Variants in MET observed in about 807,000 individuals in gnomAD.
MET encodes the protein hepatocyte growth factor receptor.
In MET, 48 loss-of-function variants were observed where a neutral mutation model predicts 133.1. That is an observed-to-expected ratio of 0.36 (90% CI 0.29 to 0.46). The LOEUF is 0.46. Ranked by LOEUF, MET falls within the 20% of genes least tolerant of loss-of-function variation. The pLI is 1.00. For synonymous variants in MET, 628 were observed against 616.5 expected (o/e 1.02, Z -0.28); for missense variants, 1,442 against 1,695.9 (o/e 0.85, Z 2.63).
At chr7:116,729,317 C>T (rs748279701) in intron 2 of MET, among the ~76,000 whole-genome samples, 2 of 152,006 alleles carry the variant, frequency 1.3e-5, no homozygotes, top group African/African-American at 2.4e-5. Flanking sequence ...TTTCTATTTG[C>T]TAATTTATTG....
At chr7:116,726,487 C>T (rs972159646) in intron 2 of MET, among the ~76,000 whole-genome samples, 1 of 151,840 alleles carries the variant, frequency 6.6e-6, no homozygotes, top group Non-Finnish European at 1.5e-5. Flanking sequence ...CCTTTCCCAG[C>T]CAATAAAGCA....
intron 5 of MET, among the ~76,000 whole-genome samples, chr7:116,755,037 AAAG>A (rs1347654408): frequency 1.3e-5 from 2 of 151,438 alleles, no homozygotes; most frequent in African/African-American, 4.9e-5. Context: ...AGAAAGAAAG[AAAG>A]AAAAGAAAGA....
At chr7:116,680,594 G>A (rs550857497) in intron 1 of MET, among the ~76,000 whole-genome samples, 21 of 152,036 alleles carry the variant, frequency 1.4e-4, no homozygotes, top group Non-Finnish European at 2.5e-4. Flanking sequence ...CATAAAGAGG[G>A]TGTCCCATTA....
chr7:116,745,294 G>A (rs552772997), intron 5 of MET, among the ~76,000 whole-genome samples: 25 of 152,258 alleles, frequency 1.6e-4, no homozygotes, highest in African/African-American at 6.0e-4. Context: ...ACAAACAAAT[G>A]GAAGAATATT....
chr7:116,715,169 T>A (rs749744230), intron 2 of MET, among the ~76,000 whole-genome samples: 12 of 152,222 alleles, frequency 7.9e-5, no homozygotes, highest in Non-Finnish European at 1.5e-4. Flanking sequence ...TGGTATGGTA[T>A]TATATTCATT....
chr7:116,746,023 T>C (rs62470763), intron 5 of MET, among the ~76,000 whole-genome samples: 6,430 of 152,178 alleles, frequency 0.042, 213 homozygotes, highest in Non-Finnish European at 0.064. Flanking sequence ...ATTTTTGCAA[T>C]CTACTCATCT....
chr7:116,745,865 C>T (rs1224720832), intron 5 of MET, among the ~76,000 whole-genome samples: 3 of 152,152 alleles, frequency 2.0e-5, no homozygotes, highest in Admixed American at 6.5e-5. Context: ...AGGACATAGG[C>T]GTGGGCAAGG....
chr7:116,733,308 G>A (rs1793091986), intron 3 of MET, among the ~76,000 whole-genome samples: 1 of 148,526 alleles, frequency 6.7e-6, no homozygotes, highest in Non-Finnish European at 1.5e-5. Flanking sequence ...TTCCTAATGT[G>A]TTCATTATGT....
chr7:116,726,412 A>G (rs1239995564), intron 2 of MET, among the ~76,000 whole-genome samples: 1 of 151,452 alleles, frequency 6.6e-6, no homozygotes, highest in African/African-American at 2.4e-5. Context: ...TGACTCAGAG[A>G]TCTCAAGCTA....
intron 2 of MET, among the ~76,000 whole-genome samples, chr7:116,717,983 A>T (rs531714906): frequency 6.6e-6 from 1 of 152,318 alleles, no homozygotes; most frequent in East Asian, 1.9e-4. Context: ...AGATTAATTG[A>T]TGTATCACAT....
chr7:116,786,957 G>A (rs1358961870), intron 19 of MET, among the ~76,000 whole-genome samples: 2 of 152,160 alleles, frequency 1.3e-5, no homozygotes, highest in African/African-American at 4.8e-5. Flanking sequence ...CAAAGAAATT[G>A]TGACTTCAAC....
At chr7:116,698,532 T>C (rs1051906055) in intron 1 of MET, among the ~76,000 whole-genome samples, 3 of 152,228 alleles carry the variant, frequency 2.0e-5, no homozygotes, top group African/African-American at 7.2e-5. Flanking sequence ...GTGATCATAT[T>C]GCTTCTAGAA....
chr7:116,735,703 A>T (rs1584917932), intron 3 of MET, among the ~76,000 whole-genome samples: 1 of 152,168 alleles, frequency 6.6e-6, no homozygotes, highest in East Asian at 1.9e-4. Flanking sequence ...TAAAATAATC[A>T]GATAAAAATA....
At chr7:116,769,609 A>G (rs2116981819) in intron 11 of MET, 36 bp from the exon 12 acceptor site, 1 of 1,602,726 alleles carries the variant, frequency 6.2e-7, no homozygotes, top group Non-Finnish European at 8.5e-7. Context: ...AGAACTGTGA[A>G]GTGTTAACAA....
rs200494620 is a variant in MET, at chr7:116,699,489, C to T, written c.405C>T (p.Ser135=). 4.7e-5 allele frequency: 76 copies of T among 1,613,942 alleles called. No homozygotes were observed. In the East Asian group the frequency reaches 1.2e-3, roughly 26 times the overall value. ...YYDDQLISCG[S]VNRGTCQRHV... ...ATGATCAACTCATTAGCTGTGGCAG[C>T]GTCAACAGAGGGACCTGCCAGCGAC... The change falls in exon 2 of 21, where the codon AGC becomes AGT. Residue 135 remains serine (S), a synonymous_variant. Coordinates refer to ENST00000397752, the MANE Select transcript of MET (RefSeq NM_000245.4).
At chr7:116,719,153 T>C in intron 2 of MET, among the ~76,000 whole-genome samples, 1 of 129,696 alleles carries the variant, frequency 7.7e-6, no homozygotes. Flanking sequence ...CTCCAGCACC[T>C]GTTGTTTCCT....
At chr7:116,767,086 C>G (rs1402419977) in intron 11 of MET, among the ~76,000 whole-genome samples, 1 of 152,178 alleles carries the variant, frequency 6.6e-6, no homozygotes, top group Non-Finnish European at 1.5e-5. Context: ...GACCCTCAGC[C>G]TGGCTGAGTC....
chr7:116,792,753 G>A (rs1795549661), intron 19 of MET, among the ~76,000 whole-genome samples: 1 of 152,058 alleles, frequency 6.6e-6, no homozygotes, highest in Non-Finnish European at 1.5e-5. Context: ...CCCCTTTTAT[G>A]TGACTTTGTC....
intron 14 of MET, among the ~76,000 whole-genome samples, chr7:116,774,611 A>G (rs1794933303): frequency 6.6e-6 from 1 of 152,230 alleles, no homozygotes; most frequent in Non-Finnish European, 1.5e-5. Context: ...AGTATATTCA[A>G]AAATAAACCA....
Sources: gnomAD v4.1 joint callset for allele counts (sites outside exome capture counted in the v4.1 genomes callset) on GRCh38, gnomAD v4.1.1 for gene constraint, MANE v1.5 for transcripts, NCBI Gene and HGNC (gene_info 2026-07-23, HGNC 2026-07-21) for gene names.